The following SYNE3 variants were observed in gnomAD, a reference collection of about 807,000 sequenced individuals.
SYNE3 encodes nesprin-3.
SYNE3 carries 100 observed loss-of-function variants against 111.2 expected under a neutral mutation model. That is an observed-to-expected ratio of 0.90 (90% confidence interval 0.77 to 1.06). The LOEUF (loss-of-function observed/expected upper bound fraction) is 1.06. Among genes scored for constraint, SYNE3 ranks in the 50% least tolerant of loss-of-function variants. SYNE3 has a pLI of 0.00. For synonymous variants in SYNE3, 547 were observed against 533.9 expected (o/e 1.02, Z -0.34); for missense variants, 1,160 against 1,240.3 (o/e 0.94, Z 0.97).
At chr14:95,431,942 T>A (rs1289429346) in intron 17 of SYNE3, 137 bp downstream of exon 17, 1 of 1,005,520 alleles carries the variant, frequency 9.9e-7, no homozygotes, top group African/African-American at 1.6e-5. Flanking sequence ...CAGCCCAGAG[T>A]TGATCCCCCA....
At position 95,481,020 on chromosome 14, in the gene SYNE3, C is replaced by T. The variant is rs572838722; in HGVS notation, c.-14-5185G>A. On this transcript the variant is annotated intron_variant, in intron 1 of 17. Coordinates refer to ENST00000682763, the MANE Select transcript of SYNE3 (RefSeq NM_152592.6). ...CCCCCGACCCCAGGCACAGCAGCGG[C>T]ATCTACCTCTTAGAATGCTGCGGGG... Among the ~76,000 whole-genome samples the T allele has an allele frequency of 5.3e-4, 81 of 152,276 alleles. No individual in the cohort carries two copies. The South Asian group carries it at 8.5e-3, about 16-fold the overall frequency.
chr14:95,439,978 T>A lies in SYNE3; in HGVS notation c.2009A>T (p.Lys670Met), dbSNP rs78302139. ...LRQWIVVTTQ[K>M]LEAHRGEAGP... ...CGCCTCTCCCCGGTGTGCCTCCAGC[T>A]TTTGCGTGGTCACAACGATCCACTG... The change falls in exon 12 of 18, where the codon AAG (lysine) becomes ATG (methionine). Residue 670 changes from lysine to methionine, a missense_variant. Coordinates refer to ENST00000682763, the MANE Select transcript of SYNE3 (RefSeq NM_152592.6). 7,142 of 1,613,946 alleles carry A rather than the reference T, an allele frequency of 4.4e-3. 271 individuals carry two copies. In the African/African-American group the frequency reaches 0.085, roughly 19 times the overall value.
At chr14:95,488,945 C>T (rs1002362450) in intron 1 of SYNE3, among the ~76,000 whole-genome samples, 6 of 152,160 alleles carry the variant, frequency 3.9e-5, no homozygotes, top group East Asian at 3.9e-4. Context: ...TGGTGTAGGA[C>T]GGCCTAACTG....
intron 1 of SYNE3, among the ~76,000 whole-genome samples, chr14:95,505,143 G>A (rs557193803): frequency 6.6e-6 from 1 of 152,366 alleles, no homozygotes; most frequent in East Asian, 1.9e-4. Context: ...CACAAGTGAA[G>A]GAGCCGGGCT....
intron 1 of SYNE3, among the ~76,000 whole-genome samples, chr14:95,495,167 G>A (rs1334292850): frequency 6.6e-6 from 1 of 152,192 alleles, no homozygotes; most frequent in African/African-American, 2.4e-5. Flanking sequence ...GGTTCAGATA[G>A]AAGGGTCTTT....
chr14:95,408,043 A>G lies in SYNE3; in HGVS notation c.*9783T>C, dbSNP rs1566948056. Reference sequence around the variant, plus strand: ...TCAGCGTCATCTGGGAGCAGCTTCAAAAACATTCTCAGCATCGCCCCAGAC... The same window carrying G: ...TCAGCGTCATCTGGGAGCAGCTTCAGAAACATTCTCAGCATCGCCCCAGAC... On this transcript the variant is annotated 3_prime_UTR_variant, in exon 18 of 18. Coordinates refer to ENST00000682763, the MANE Select transcript of SYNE3 (RefSeq NM_152592.6). The G allele has an allele frequency of 6.6e-6, 1 of 152,188 alleles. No homozygotes were observed. The highest frequency in any genetic ancestry group is 2.4e-5 in the African/African-American group (1 of 41,444). The allele number at this position is 152,188 out of a possible 1,614,324, so 9.4% of individuals were successfully genotyped here.
chr14:95,428,355 G>A (rs866450086), intron 17 of SYNE3, among the ~76,000 whole-genome samples: 3 of 152,186 alleles, frequency 2.0e-5, no homozygotes, highest in Non-Finnish European at 4.4e-5. Flanking sequence ...GTGACGGGCA[G>A]TAAACCTAAA....
intron 17 of SYNE3, chr14:95,430,006 G>GGAAGGAAGGAAGGAAGGAAGGAAGGAA: frequency 2.6e-6 from 1 of 382,970 alleles, no homozygotes; most frequent in African/African-American, 2.4e-5. Flanking sequence ...AAGGAAAGAA[G>GGAAGGAAGGAAGGAAGGAAGGAAGGAA]GGAGGGAGGG....
intron 3 of SYNE3, 59 bp from the exon 4 acceptor site, chr14:95,466,299 G>T: frequency 4.0e-6 from 6 of 1,512,326 alleles, no homozygotes; most frequent in Non-Finnish European, 5.3e-6. Context: ...CCTGGGTCGG[G>T]GGTCTGTGCT....
Position 95,479,224 on chromosome 14 carries a change from C to CAAAAAAAAAAAAAAAAAA in SYNE3, c.-14-3407_-14-3390dup, listed in dbSNP as rs71132351. On this transcript the variant is annotated intron_variant, in intron 1 of 17. Coordinates refer to ENST00000682763, the MANE Select transcript of SYNE3 (RefSeq NM_152592.6). ...CAGCATAGTGAGACCTCGTCTCTACCAAAAAAAAAAAAAAAAAAAAAAAAA... is the reference window on the plus strand; with the variant it reads ...CAGCATAGTGAGACCTCGTCTCTACCAAAAAAAAAAAAAAAAAAAAAAAAAAAAAAAAAAAAAAAAAAA... Among the ~76,000 whole-genome samples the CAAAAAAAAAAAAAAAAAA allele has an allele frequency of 8.7e-4, 75 of 86,292 alleles. 4 individuals are homozygous for CAAAAAAAAAAAAAAAAAA. The Admixed American group carries it at 9.8e-3, about 11-fold the overall frequency. The allele number at this position is 86,292 out of a possible 152,430, so 56.6% of individuals were successfully genotyped here. A position where few individuals can be genotyped will look rare whatever the true frequency, so the allele number is the denominator to read the frequency against.
At chr14:95,488,852 G>A (rs1889695043) in intron 1 of SYNE3, among the ~76,000 whole-genome samples, 1 of 152,200 alleles carries the variant, frequency 6.6e-6, no homozygotes, top group Non-Finnish European at 1.5e-5. Context: ...ACACTGTACG[G>A]TCAGTCTTTT....
chr14:95,411,810 G>C lies in SYNE3; in HGVS notation c.*6016C>G, dbSNP rs1470642672. 6.6e-6 allele frequency: 1 copy of C among 152,344 alleles called. No homozygotes were observed. Among genetic ancestry groups the C allele is most frequent in the African/African-American group, 2.4e-5 (1 of 41,464 alleles). The allele number at this position is 152,344 out of a possible 1,614,324, so 9.4% of individuals were successfully genotyped here. A position where few individuals can be genotyped will look rare whatever the true frequency, so the allele number is the denominator to read the frequency against. On this transcript the variant is annotated 3_prime_UTR_variant, in exon 18 of 18. Coordinates refer to ENST00000682763, the MANE Select transcript of SYNE3 (RefSeq NM_152592.6). ...TCCCTCAGCTCCTCTCCTCTGGGGA[G>C]AAATCCTAGGCAGGGGGCAGGAAAG...
At chr14:95,486,553 T>C (rs1238549062) in intron 1 of SYNE3, among the ~76,000 whole-genome samples, 1 of 152,148 alleles carries the variant, frequency 6.6e-6, no homozygotes, top group African/African-American at 2.4e-5. Context: ...GGGCCATCTG[T>C]ACTGCAGCCC....
Position 95,413,631 on chromosome 14 carries a change from C to T in SYNE3, c.*4195G>A, listed in dbSNP as rs1020528501. The T allele has an allele frequency of 3.9e-5, 6 of 152,340 alleles. No individual in the cohort carries two copies. The highest frequency in any genetic ancestry group is 1.4e-4 in the African/African-American group (6 of 41,444). 9.4% of individuals were successfully genotyped at this position (152,340 alleles called of 1,614,324 possible). A position where few individuals can be genotyped will look rare whatever the true frequency, so the allele number is the denominator to read the frequency against. On this transcript the variant is annotated 3_prime_UTR_variant, in exon 18 of 18. Coordinates refer to ENST00000682763, the MANE Select transcript of SYNE3 (RefSeq NM_152592.6). ...TTTCCTGCCCTCTGCCTGTCATTCT[C>T]CTTGGCCCCCAGGGTGCAGAGGGTC...
intron 1 of SYNE3, among the ~76,000 whole-genome samples, chr14:95,512,631 T>C (rs1363004730): frequency 1.3e-5 from 2 of 151,128 alleles, no homozygotes; most frequent in Non-Finnish European, 2.9e-5. Flanking sequence ...GGTGGGCAGA[T>C]CACGAGGTCA....
At chr14:95,497,404 T>C (rs1244253210) in intron 1 of SYNE3, among the ~76,000 whole-genome samples, 1 of 151,890 alleles carries the variant, frequency 6.6e-6, no homozygotes, top group African/African-American at 2.4e-5. Flanking sequence ...GTAGGTGCTA[T>C]ATAACAAATA....
Position 95,470,577 on chromosome 14 carries a change from G to A in SYNE3, c.145-2610C>T, listed in dbSNP as rs571924322. On this transcript the variant is annotated intron_variant, in intron 2 of 17. Coordinates refer to ENST00000682763, the MANE Select transcript of SYNE3 (RefSeq NM_152592.6). This position sits in a 1 kb window ranked among gnomAD's most constrained non-coding sequence, Gnocchi z 4.2. ...GAGGCAGGAAGATTGCTTGAGCCCA[G>A]GAGGTTGAGGCTGCAGTGAGCCATG... Among the ~76,000 whole-genome samples, 19 of 152,176 alleles carry A rather than the reference G, an allele frequency of 1.2e-4. No homozygotes were observed. The highest frequency in any genetic ancestry group is 4.6e-4 in the African/African-American group (19 of 41,512).
intron 14 of SYNE3, 92 bp downstream of exon 14, chr14:95,438,941 C>T (rs1181421067): frequency 2.6e-6 from 4 of 1,553,774 alleles, no homozygotes; most frequent in Admixed American, 3.4e-5. Context: ...GCATGTTGCC[C>T]CAGACAGGGA....
In SYNE3 at chr14:95,436,931, G is replaced by A. The variant is rs1886117561; in HGVS notation, c.2427C>T (p.Leu809=). The A allele has an allele frequency of 6.2e-7, 1 of 1,614,052 alleles. No homozygotes were observed. Among genetic ancestry groups the A allele is most frequent in the Non-Finnish European group, 8.5e-7 (1 of 1,180,016 alleles). ...GCAACCACTGCCCAAAGTTCCTCAG[G>A]AGCTGGGAGAAATCTTCATGGCTCC... ...EEGSHEDFSQ[L]LRNFGQWLQV... The change falls in exon 15 of 18, where the codon CTC becomes CTT. Residue 809 remains leucine, a synonymous_variant. Coordinates refer to ENST00000682763, the MANE Select transcript of SYNE3 (RefSeq NM_152592.6).
Sources: gnomAD v4.1 joint callset for allele counts (sites outside exome capture counted in the v4.1 genomes callset) on GRCh38, gnomAD v4.1.1 for gene constraint, Gnocchi (gnomAD v3.1) non-coding constraint, MANE v1.5 for transcripts, NCBI Gene and HGNC (gene_info 2026-07-23, HGNC 2026-07-21) for gene names.